Variants in FSTL5 observed in about 807,000 individuals in gnomAD.
FSTL5 encodes follistatin like 5.
In FSTL5, 62 loss-of-function variants were observed where a neutral mutation model predicts 89.1. The observed-to-expected ratio is 0.70, with a 90% CI of 0.57 to 0.86. FSTL5 has a LOEUF of 0.86. FSTL5 is among the 40% of genes least tolerant of loss of function. The pLI, the probability that FSTL5 is intolerant of heterozygous loss-of-function variation, is 0.00. For missense variants in FSTL5, 1,057 were observed against 1,001.6 expected (o/e 1.06, Z -0.75); for synonymous variants, 383 against 346.2 (o/e 1.11, Z -1.18).
At chr4:161,703,209 C>G (rs1052018083) in intron 6 of FSTL5, among the ~76,000 whole-genome samples, 4 of 152,060 alleles carry the variant, frequency 2.6e-5, no homozygotes, top group Non-Finnish European at 5.9e-5. Context: ...ATTTCAACGA[C>G]CCAGTCTGTG....
intron 3 of FSTL5, among the ~76,000 whole-genome samples, chr4:161,945,185 T>C (rs1734701115): frequency 6.6e-6 from 1 of 152,196 alleles, no homozygotes; most frequent in African/African-American, 2.4e-5. Flanking sequence ...CCTGCTCTCT[T>C]CTTCCACTGC....
chr4:161,510,308 A>G, intron 11 of FSTL5, 90 bp downstream of exon 11: 1 of 791,790 alleles, frequency 1.3e-6, no homozygotes, highest in Non-Finnish European at 2.0e-6. Context: ...AAAATGAAAA[A>G]GAAGGTAATT....
rs146247881 is a variant in FSTL5 at position 161,783,732 on chromosome 4, T to TTTTCTTTCTTTC, written c.410-7670_410-7659dup. Among the ~76,000 whole-genome samples the TTTTCTTTCTTTC allele has an allele frequency of 3.4e-4, 5 of 14,548 alleles. 2 individuals are homozygous for TTTTCTTTCTTTC. The highest frequency in any genetic ancestry group is 1.1e-3 in the African/African-American group (5 of 4,524). The allele number at this position is 14,548 out of a possible 152,430, so 9.5% of individuals were successfully genotyped here. ...CTTTCTTTCTTTCTTTCTTCTTTTC[T>TTTTCTTTCTTTC]TTTCTTTCTTTCTTTCTTTCTTTCT... On this transcript the variant is annotated intron_variant, in intron 4 of 15. Transcript: ENST00000306100.
chr4:162,051,036 T>C (rs905577284), intron 2 of FSTL5, among the ~76,000 whole-genome samples: 1 of 151,540 alleles, frequency 6.6e-6, no homozygotes, highest in African/African-American at 2.4e-5. Context: ...AAAAATATGG[T>C]CTAGTAATGT....
intron 1 of FSTL5, among the ~76,000 whole-genome samples, chr4:162,152,374 A>G (rs1167314722): frequency 1.3e-5 from 2 of 152,204 alleles, no homozygotes; most frequent in Non-Finnish European, 2.9e-5. Context: ...ACTTCTTTCA[A>G]GTCTTATTTT....
intron 3 of FSTL5, among the ~76,000 whole-genome samples, chr4:162,008,937 C>T (rs1300756463): frequency 6.6e-6 from 1 of 151,808 alleles, no homozygotes. Context: ...TATACAGATA[C>T]TTAACTGTGT....
intron 8 of FSTL5, among the ~76,000 whole-genome samples, chr4:161,569,551 G>C (rs1732930158): frequency 6.6e-6 from 1 of 152,084 alleles, no homozygotes; most frequent in Non-Finnish European, 1.5e-5. Flanking sequence ...TCTGAGAATT[G>C]GGTTTGCTCA....
At chr4:162,006,044 C>T (rs1578940342) in intron 3 of FSTL5, among the ~76,000 whole-genome samples, 1 of 151,992 alleles carries the variant, frequency 6.6e-6, no homozygotes, top group East Asian at 1.9e-4. Flanking sequence ...CAGCTATACA[C>T]ACATCTTAAA....
chr4:162,106,696 T>G (rs972028891), intron 2 of FSTL5, among the ~76,000 whole-genome samples: 1 of 152,054 alleles, frequency 6.6e-6, no homozygotes, highest in Admixed American at 6.6e-5. Flanking sequence ...GGTTTGTAAT[T>G]AGGTAATGTG....
intron 4 of FSTL5, among the ~76,000 whole-genome samples, chr4:161,808,820 T>C (rs1730052106): frequency 6.6e-6 from 1 of 152,172 alleles, no homozygotes; most frequent in Non-Finnish European, 1.5e-5. Context: ...TTAAATCACT[T>C]GATTTAAAAA....
At position 162,091,486 on chromosome 4, in the gene FSTL5, G is replaced by T. The variant is rs192998895; in HGVS notation, c.126+19785C>A. 2.7e-3 allele frequency among the ~76,000 whole-genome samples: 406 copies of T among 152,202 alleles called. 2 individuals carry two copies. Among genetic ancestry groups the T allele is most frequent in the Non-Finnish European group, 3.3e-3 (222 of 68,000 alleles). ...AGTGTCTGGGGTTTTGGGGTGGGGGGTTACTTCAAGTTTTCATTAAAAATT... is the reference window on the plus strand; with the variant it reads ...AGTGTCTGGGGTTTTGGGGTGGGGGTTTACTTCAAGTTTTCATTAAAAATT... On this transcript the variant is annotated intron_variant, in intron 2 of 15. Transcript: ENST00000306100.
chr4:161,451,089 T>C (rs1034264086), intron 15 of FSTL5, among the ~76,000 whole-genome samples: 10 of 152,128 alleles, frequency 6.6e-5, no homozygotes, highest in Non-Finnish European at 1.3e-4. Flanking sequence ...TACCTATCTG[T>C]ATATTTTTAT....
At position 161,399,266 on chromosome 4, in the gene FSTL5, G is replaced by A. The variant is rs201827357; in HGVS notation, c.1842-12817C>T. ...CCTGCTCATAACTTTTCACTCCCCA[G>A]AAACGTAATTACTAAGAGCCTACTG... is the stretch of plus-strand genomic sequence containing the variant. On this transcript the variant is annotated intron_variant, in intron 15 of 15. Transcript: ENST00000306100. 5.9e-5 allele frequency among the ~76,000 whole-genome samples: 9 copies of A among 152,166 alleles called. No individual in the cohort carries two copies. The East Asian group carries it at 1.7e-3, about 29-fold the overall frequency.
At chr4:161,848,913 T>C (rs866543284) in intron 4 of FSTL5, among the ~76,000 whole-genome samples, 2 of 151,608 alleles carry the variant, frequency 1.3e-5, no homozygotes, top group Admixed American at 6.6e-5. Flanking sequence ...TGGGGAAACA[T>C]AGCCATCTAC....
chr4:161,555,925 G>A (rs1732371350), intron 8 of FSTL5, among the ~76,000 whole-genome samples: 1 of 151,484 alleles, frequency 6.6e-6, no homozygotes, highest in South Asian at 2.1e-4. Flanking sequence ...AACTTAGATG[G>A]GAATTGAACC....
intron 3 of FSTL5, among the ~76,000 whole-genome samples, chr4:161,989,975 G>A (rs2111073197): frequency 6.6e-6 from 1 of 152,232 alleles, no homozygotes; most frequent in Middle Eastern, 3.4e-3. Context: ...AAACTCCTAG[G>A]ACATTTACAA....
At chr4:161,576,450 T>C (rs1188826514) in intron 8 of FSTL5, among the ~76,000 whole-genome samples, 1 of 152,188 alleles carries the variant, frequency 6.6e-6, no homozygotes, top group Non-Finnish European at 1.5e-5. Context: ...CAAAACAGCA[T>C]GGTGCTGGTA....
At chr4:161,459,162 TG>T in intron 14 of FSTL5, 49 bp downstream of exon 14, 1 of 1,088,780 alleles carries the variant, frequency 9.2e-7, no homozygotes, top group South Asian at 1.3e-5. Context: ...AATAAAATGT[TG>T]AAAGCTTTAA....
At chr4:161,927,255 A>C (rs1560921067) in intron 3 of FSTL5, among the ~76,000 whole-genome samples, 1 of 151,760 alleles carries the variant, frequency 6.6e-6, no homozygotes, top group Non-Finnish European at 1.5e-5. Flanking sequence ...ATCATCTGCA[A>C]GACTTAAAAT....
Sources: allele counts gnomAD v4.1 joint callset (sites outside exome capture counted in the v4.1 genomes callset), GRCh38; gene constraint gnomAD v4.1.1; transcripts MANE v1.5; gene names NCBI Gene and HGNC (gene_info 2026-07-23, HGNC 2026-07-21).